Variants in TENM4 observed in about 807,000 individuals in gnomAD.
The protein encoded by TENM4 is teneurin-4.
In TENM4, 82 loss-of-function variants were observed where a neutral mutation model predicts 243.3. The observed-to-expected ratio is 0.34, with a 90% confidence interval of 0.28 to 0.40. TENM4 has a LOEUF of 0.40. Ranked by LOEUF, TENM4 falls within the 10% of genes least tolerant of loss-of-function variation. TENM4 has a pLI of 1.00. For synonymous variants in TENM4, 1,412 were observed against 1,456.3 expected, an observed-to-expected ratio of 0.97 and a Z score of 0.69; for missense variants, 3,138 against 3,673.3, an observed-to-expected ratio of 0.85 and a Z score of 3.77.
intron 6 of TENM4, among the ~76,000 whole-genome samples, chr11:78,913,825 C>G (rs560618910): frequency 6.6e-6 from 1 of 152,278 alleles, no homozygotes; most frequent in South Asian, 2.1e-4. Flanking sequence ...ACAGTAGAGG[C>G]TGATCCTTCT....
intron 1 of TENM4, among the ~76,000 whole-genome samples, chr11:79,370,618 C>T (rs180708299): frequency 3.4e-4 from 52 of 151,938 alleles, no homozygotes; most frequent in Admixed American, 5.9e-4. Flanking sequence ...AAGCGTGGGG[C>T]TTCTGTTGGG....
intron 6 of TENM4, among the ~76,000 whole-genome samples, chr11:78,978,244 C>T (rs916017262): frequency 4.6e-5 from 7 of 151,850 alleles, no homozygotes; most frequent in African/African-American, 1.7e-4. Context: ...AGGAGAAATA[C>T]CTAATGTAGA....
intron 16 of TENM4, among the ~76,000 whole-genome samples, chr11:78,781,703 A>G (rs922057825): frequency 6.6e-6 from 1 of 151,344 alleles, no homozygotes; most frequent in Non-Finnish European, 1.5e-5. Flanking sequence ...CATCATTGGT[A>G]CATGTTAGGC....
chr11:79,413,777 G>A (rs1041373335), intron 1 of TENM4, among the ~76,000 whole-genome samples: 1 of 152,032 alleles, frequency 6.6e-6, no homozygotes, highest in Non-Finnish European at 1.5e-5. Flanking sequence ...CTTTTCTTAG[G>A]AATAAACATC....
rs370462521 is a variant in TENM4, at chr11:79,149,429, T to A, written c.-162-623A>T. Among the ~76,000 whole-genome samples the A allele has an allele frequency of 1.6e-3, 243 of 152,340 alleles. 9 individuals are homozygous for A. In the South Asian group the frequency reaches 0.048, roughly 30 times the overall value. The stretch of plus-strand genomic sequence containing the variant: ...TGCTGTCTTGGCTATATTCCACAAC[T>A]TTTGATATTTAATATTTCTTTGGTC... On this transcript the variant is annotated intron_variant, in intron 3 of 33. Coordinates refer to ENST00000278550, the MANE Select transcript of TENM4 (RefSeq NM_001098816.3).
chr11:79,251,033 A>T (rs1015556006), intron 2 of TENM4, among the ~76,000 whole-genome samples: 1 of 152,226 alleles, frequency 6.6e-6, no homozygotes, highest in African/African-American at 2.4e-5. Flanking sequence ...TGAATTGGGA[A>T]AAAAAGCAAT....
chr11:79,081,292 A>T (rs1308256454), intron 4 of TENM4, among the ~76,000 whole-genome samples: 1 of 152,182 alleles, frequency 6.6e-6, no homozygotes. Flanking sequence ...CCCAGAGAAG[A>T]TGCTCTGTTG....
At chr11:79,256,833 G>A (rs1855708615) in intron 2 of TENM4, among the ~76,000 whole-genome samples, 1 of 152,142 alleles carries the variant, frequency 6.6e-6, no homozygotes, top group Admixed American at 6.5e-5. Flanking sequence ...GAGTGAGGTG[G>A]AAACTCAGTT....
At chr11:78,771,177 G>A in intron 17 of TENM4, 39 bp from the exon 18 acceptor site, 1 of 1,552,006 alleles carries the variant, frequency 6.4e-7, no homozygotes, top group South Asian at 1.2e-5. Flanking sequence ...TGATCACCCA[G>A]AGTCAACTGC....
At chr11:78,792,295 TG>T (rs1313672380) in intron 15 of TENM4, among the ~76,000 whole-genome samples, 1 of 152,196 alleles carries the variant, frequency 6.6e-6, no homozygotes, top group Non-Finnish European at 1.5e-5. Context: ...GCTCTTCCTC[TG>T]GTCACCTAGC....
chr11:79,223,023 A>G (rs563271787), intron 2 of TENM4, among the ~76,000 whole-genome samples: 1 of 152,176 alleles, frequency 6.6e-6, no homozygotes, highest in East Asian at 1.9e-4. Context: ...TAAATAGCTA[A>G]TGCATGTGGG....
At chr11:79,350,638 C>G (rs1387226069) in intron 1 of TENM4, among the ~76,000 whole-genome samples, 1 of 150,218 alleles carries the variant, frequency 6.7e-6, no homozygotes, top group Non-Finnish European at 1.5e-5. Context: ...GGGGGTCTCA[C>G]TGTGTCACCC....
intron 12 of TENM4, among the ~76,000 whole-genome samples, chr11:78,846,510 G>A (rs927297061): frequency 2.0e-5 from 3 of 152,120 alleles, no homozygotes; most frequent in Admixed American, 6.5e-5. Flanking sequence ...TGCAACTGGC[G>A]TCTACCACTC....
chr11:78,665,267 T>C (rs187520681), intron 32 of TENM4, among the ~76,000 whole-genome samples: 23 of 152,086 alleles, frequency 1.5e-4, no homozygotes, highest in South Asian at 4.2e-4. Flanking sequence ...TCTTTTTTTT[T>C]CCTCTGTCTC....
rs536114265 is a variant in TENM4 at position 79,423,455 on chromosome 11, T to C, written c.-321+17054A>G. On this transcript the variant is annotated intron_variant, in intron 1 of 33. Transcript: ENST00000278550. ...CATCCACAAGAGCAGAGCATGTGGTTTGAAAGGGTCTTCATGAAATATTCA... is the reference window on the plus strand; with the variant it reads ...CATCCACAAGAGCAGAGCATGTGGTCTGAAAGGGTCTTCATGAAATATTCA... Among the ~76,000 whole-genome samples the C allele has an allele frequency of 3.7e-3, 565 of 152,234 alleles. 5 individuals are homozygous for C. Among genetic ancestry groups the C allele is most frequent in the Non-Finnish European group, 7.0e-3 (479 of 68,022 alleles).
chr11:78,803,168 T>C (rs1365154437), intron 15 of TENM4, among the ~76,000 whole-genome samples: 2 of 152,102 alleles, frequency 1.3e-5, no homozygotes, highest in Non-Finnish European at 2.9e-5. Flanking sequence ...TAGCTGGGAT[T>C]ACAGATGCTT....
At chr11:79,329,927 A>G (rs756695742) in intron 1 of TENM4, among the ~76,000 whole-genome samples, 4 of 152,228 alleles carry the variant, frequency 2.6e-5, no homozygotes, top group Non-Finnish European at 4.4e-5. Flanking sequence ...TAAGGAATGG[A>G]TCACAGAAGG....
intron 7 of TENM4, among the ~76,000 whole-genome samples, chr11:78,902,764 G>A (rs774072844): frequency 6.6e-6 from 1 of 152,198 alleles, no homozygotes; most frequent in African/African-American, 2.4e-5. Flanking sequence ...CAGGGAAGGA[G>A]GAGAGGTGGG....
At chr11:78,821,700 T>A (rs1438110465) in intron 12 of TENM4, among the ~76,000 whole-genome samples, 9 of 152,214 alleles carry the variant, frequency 5.9e-5, no homozygotes, top group Admixed American at 5.9e-4. Flanking sequence ...AATTGAAAAT[T>A]CAGCTTACTA....
Sources: allele counts gnomAD v4.1 joint callset (sites outside exome capture counted in the v4.1 genomes callset), GRCh38; gene constraint gnomAD v4.1.1; transcripts MANE v1.5; gene names NCBI Gene and HGNC (gene_info 2026-07-23, HGNC 2026-07-21).